Variants in SLC44A5 observed in about 807,000 individuals in gnomAD.
The protein encoded by SLC44A5 is choline transporter-like protein 5.
In SLC44A5, 57 loss-of-function variants were observed where a neutral mutation model predicts 101.8. That is an observed-to-expected ratio of 0.56 (90% CI 0.45 to 0.70). The LOEUF is 0.70. SLC44A5 is among the 30% of genes least tolerant of loss of function. The pLI, the probability that SLC44A5 is intolerant of heterozygous loss-of-function variation, is 0.00. For synonymous variants in SLC44A5, 281 were observed against 290.9 expected (o/e 0.97, Z 0.35); for missense variants, 737 against 853.1 (o/e 0.86, Z 1.70).
At chr1:75,440,464 G>T (rs1665133573) in intron 2 of SLC44A5, among the ~76,000 whole-genome samples, 1 of 152,060 alleles carries the variant, frequency 6.6e-6, no homozygotes, top group Non-Finnish European at 1.5e-5. Flanking sequence ...AGTGAGAGCA[G>T]CAGGAAACAA....
chr1:75,630,426 C>T, the SLC44A5 span, among the ~76,000 whole-genome samples: 2,363 of 152,232 alleles, frequency 0.016, 75 homozygotes, highest in African/African-American at 0.053. Flanking sequence ...CGTGTTCAGC[C>T]GCCAGACTGG....
At chr1:75,314,749 TG>T (rs1436071463) in intron 4 of SLC44A5, among the ~76,000 whole-genome samples, 1 of 152,226 alleles carries the variant, frequency 6.6e-6, no homozygotes, top group African/African-American at 2.4e-5. Context: ...TTGAGCTCAA[TG>T]CTTTTCAGAA....
At chr1:75,361,130 G>A (rs1476112237) in intron 3 of SLC44A5, among the ~76,000 whole-genome samples, 2 of 151,890 alleles carry the variant, frequency 1.3e-5, no homozygotes, top group Non-Finnish European at 2.9e-5. Context: ...GTATAGAGGT[G>A]CTAATGATTT....
chr1:75,215,912 T>A, intron 18 of SLC44A5, 55 bp from the exon 19 acceptor site: 1 of 913,712 alleles, frequency 1.1e-6, no homozygotes, highest in South Asian at 1.5e-5. Flanking sequence ...ACCTTATCAG[T>A]CAAAATAAAT....
intron 3 of SLC44A5, among the ~76,000 whole-genome samples, chr1:75,353,626 G>T (rs909643753): frequency 1.3e-5 from 2 of 152,200 alleles, no homozygotes; most frequent in African/African-American, 2.4e-5. Flanking sequence ...ACAGGCTGAT[G>T]CCAGTTAGGC....
intron 6 of SLC44A5, among the ~76,000 whole-genome samples, chr1:75,273,361 C>T (rs1651652293): frequency 6.6e-6 from 1 of 151,756 alleles, no homozygotes; most frequent in African/African-American, 2.4e-5. Flanking sequence ...TTCCAACTTG[C>T]CCTTTATTTC....
At chr1:75,449,155 C>T (rs1016619307) in intron 2 of SLC44A5, among the ~76,000 whole-genome samples, 2 of 152,172 alleles carry the variant, frequency 1.3e-5, no homozygotes, top group Non-Finnish European at 1.5e-5. Flanking sequence ...TGTCATAGCT[C>T]CCTGCAATTT....
At chr1:75,541,136 TA>T (rs1671333582) in intron 2 of SLC44A5, among the ~76,000 whole-genome samples, 4 of 152,144 alleles carry the variant, frequency 2.6e-5, no homozygotes, top group Admixed American at 2.6e-4. Context: ...AGAATTGACA[TA>T]AGTGTGCCTG....
the SLC44A5 span, among the ~76,000 whole-genome samples, chr1:75,619,272 A>G: frequency 1.3e-5 from 2 of 151,862 alleles, no homozygotes; most frequent in Admixed American, 1.3e-4. Context: ...AGGAAGGAAG[A>G]AAGAAAAGGT....
chr1:75,476,986 T>A (rs888360671), intron 2 of SLC44A5, among the ~76,000 whole-genome samples: 2 of 152,172 alleles, frequency 1.3e-5, no homozygotes, highest in Admixed American at 1.3e-4. Flanking sequence ...CTGAGCAGCC[T>A]AACTGGGAGG....
Position 75,523,763 on chromosome 1 carries a change from A to G in SLC44A5, c.13+17672T>C, listed in dbSNP as rs1670271671. On this transcript the variant is annotated intron_variant, in intron 2 of 23. Coordinates refer to ENST00000370859, the MANE Select transcript of SLC44A5 (RefSeq NM_001130058.2). Reference sequence around the variant, plus strand: ...TTTTGCCCCACAGGGGACATTTGACAATATCTGGAGTTGTTGTTGATTGCT... The same window carrying G: ...TTTTGCCCCACAGGGGACATTTGACGATATCTGGAGTTGTTGTTGATTGCT... Among the ~76,000 whole-genome samples, 3 of 152,204 alleles carry G rather than the reference A, an allele frequency of 2.0e-5. No homozygotes were observed. In the South Asian group the frequency reaches 6.2e-4, roughly 31 times the overall value.
chr1:75,298,183 T>C (rs1306453063), intron 5 of SLC44A5, among the ~76,000 whole-genome samples: 1 of 152,186 alleles, frequency 6.6e-6, no homozygotes, highest in Admixed American at 6.5e-5. Context: ...TAGTAACCTC[T>C]GCCATAGTTT....
intron 4 of SLC44A5, among the ~76,000 whole-genome samples, chr1:75,304,293 G>GGTGTGTGTGT (rs71081327): frequency 2.1e-4 from 14 of 65,470 alleles, no homozygotes; most frequent in African/African-American, 8.1e-4. Flanking sequence ...TTTTTAAATA[G>GGTGTGTGTGT]GTGTGTGTGT....
intron 3 of SLC44A5, among the ~76,000 whole-genome samples, chr1:75,376,367 C>T (rs1207044957): frequency 2.0e-5 from 3 of 152,188 alleles, no homozygotes; most frequent in African/African-American, 4.8e-5. Flanking sequence ...CCTCTGTAGG[C>T]TCCACCCCTG....
At chr1:75,471,044 G>A (rs1358263306) in intron 2 of SLC44A5, among the ~76,000 whole-genome samples, 1 of 152,096 alleles carries the variant, frequency 6.6e-6, no homozygotes, top group Admixed American at 6.6e-5. Context: ...CAAATATAAT[G>A]CAGAGAGGGA....
chr1:75,274,411 A>G (rs1651747318), intron 6 of SLC44A5, among the ~76,000 whole-genome samples: 1 of 152,156 alleles, frequency 6.6e-6, no homozygotes. Context: ...TGTTATGATT[A>G]CCATTAGAAA....
At chr1:75,532,474 C>T (rs1294236769) in intron 2 of SLC44A5, among the ~76,000 whole-genome samples, 1 of 152,136 alleles carries the variant, frequency 6.6e-6, no homozygotes, top group Non-Finnish European at 1.5e-5. Context: ...GATCATAACA[C>T]AGTCATTACC....
chr1:75,393,859 A>T (rs1208890314), intron 3 of SLC44A5, among the ~76,000 whole-genome samples: 6 of 152,140 alleles, frequency 3.9e-5, no homozygotes, highest in Admixed American at 1.3e-4. Flanking sequence ...GAATGAAGCA[A>T]TTTAGTGGAG....
intron 5 of SLC44A5, among the ~76,000 whole-genome samples, chr1:75,280,496 A>T (rs1313028): frequency 4.9e-5 from 6 of 123,422 alleles, no homozygotes; most frequent in Non-Finnish European, 8.0e-5. Context: ...TATATATATT[A>T]TATATATATA....
Sources: gnomAD v4.1 joint callset for allele counts (sites outside exome capture counted in the v4.1 genomes callset) on GRCh38, gnomAD v4.1.1 for gene constraint, MANE v1.5 for transcripts, NCBI Gene and HGNC (gene_info 2026-07-23, HGNC 2026-07-21) for gene names.